Variants in HLCS observed in about 807,000 individuals in gnomAD.
HLCS encodes biotin--protein ligase.
A neutral mutation model predicts 75.0 loss-of-function variants in HLCS; 53 were observed. That is an observed-to-expected ratio of 0.71 (90% CI 0.57 to 0.89). The LOEUF is 0.89. Among genes scored for constraint, HLCS ranks in the 40% least tolerant of loss-of-function variants. HLCS has a pLI of 0.00. For synonymous variants in HLCS, 431 were observed against 428.6 expected (o/e 1.01, Z -0.07); for missense variants, 966 against 1,074.0 (o/e 0.90, Z 1.41).
chr21:36,913,709 C>T (rs908721048), intron 5 of HLCS, among the ~76,000 whole-genome samples: 6 of 151,890 alleles, frequency 4.0e-5, no homozygotes, highest in Non-Finnish European at 7.4e-5. Flanking sequence ...TGCAGTGAGC[C>T]GAGATGGTGG....
At chr21:36,789,135 G>A (rs987547618) in intron 6 of HLCS, among the ~76,000 whole-genome samples, 1 of 152,100 alleles carries the variant, frequency 6.6e-6, no homozygotes, top group Non-Finnish European at 1.5e-5. Context: ...GCTCACTGCA[G>A]GCTTGACCTC....
chr21:36,891,023 T>G (rs1319523147), intron 6 of HLCS, among the ~76,000 whole-genome samples: 1 of 152,206 alleles, frequency 6.6e-6, no homozygotes, highest in Non-Finnish European at 1.5e-5. Context: ...GAAGCCTGGT[T>G]TCCAGTTAGA....
chr21:36,887,067 T>G lies in HLCS; in HGVS notation c.1892+9793A>C, dbSNP rs1202419474. 1.3e-5 allele frequency among the ~76,000 whole-genome samples: 2 copies of G among 151,098 alleles called. 1 individual carries two copies. The highest frequency in any genetic ancestry group is 4.2e-4 in the South Asian group (2 of 4,764). ...ATTGCTTGATCCCCGGAGACAGAGG[T>G]TGCAGTGAGCCAAGATCCTGCCACT... is the stretch of plus-strand genomic sequence containing the variant. On this transcript the variant is annotated intron_variant, in intron 6 of 10. Transcript: ENST00000674895.
intron 6 of HLCS, among the ~76,000 whole-genome samples, chr21:36,839,047 G>A (rs2062523834): frequency 6.6e-6 from 1 of 152,166 alleles, no homozygotes; most frequent in African/African-American, 2.4e-5. Context: ...TTTTGGAGCA[G>A]CAAAGGAGCA....
At chr21:36,784,444 T>C (rs748660536) in intron 6 of HLCS, among the ~76,000 whole-genome samples, 3 of 151,880 alleles carry the variant, frequency 2.0e-5, no homozygotes, top group Non-Finnish European at 4.4e-5. Flanking sequence ...GCCACCTAAG[T>C]AGCTGGGACT....
chr21:36,978,013 T>G (rs2068990455), intron 1 of HLCS, among the ~76,000 whole-genome samples: 1 of 152,168 alleles, frequency 6.6e-6, no homozygotes, highest in Non-Finnish European at 1.5e-5. Flanking sequence ...TAAATCGAGT[T>G]GCCTTTTTCA....
chr21:36,954,702 CTA>C (rs2067842862), intron 2 of HLCS, among the ~76,000 whole-genome samples: 1 of 152,008 alleles, frequency 6.6e-6, no homozygotes, highest in Non-Finnish European at 1.5e-5. Flanking sequence ...TATGTGTTTT[CTA>C]TGTTTTCTAT....
At chr21:36,914,195 C>T (rs1385192822) in intron 5 of HLCS, among the ~76,000 whole-genome samples, 1 of 152,246 alleles carries the variant, frequency 6.6e-6, no homozygotes, top group Non-Finnish European at 1.5e-5. Context: ...GGGGCCAGCA[C>T]ATCTGGCTGG....
At chr21:36,801,480 GA>G (rs2061199174) in intron 6 of HLCS, among the ~76,000 whole-genome samples, 1 of 152,208 alleles carries the variant, frequency 6.6e-6, no homozygotes, top group Non-Finnish European at 1.5e-5. Context: ...AAAATAATTT[GA>G]AAGAAAGAAC....
chr21:36,981,252 C>T (rs1227840688), intron 1 of HLCS, among the ~76,000 whole-genome samples: 2 of 152,174 alleles, frequency 1.3e-5, no homozygotes, highest in Non-Finnish European at 2.9e-5. Context: ...CCAAATTTGG[C>T]ACTCCTGATG....
chr21:36,975,421 T>G (rs1195774843), intron 1 of HLCS, among the ~76,000 whole-genome samples: 3 of 152,088 alleles, frequency 2.0e-5, no homozygotes, highest in African/African-American at 7.2e-5. Flanking sequence ...GCCCGTCCCC[T>G]GTTTCCCACG....
At chr21:36,764,794 G>T (rs2089975501) in intron 8 of HLCS, among the ~76,000 whole-genome samples, 1 of 152,242 alleles carries the variant, frequency 6.6e-6, no homozygotes, top group Admixed American at 6.5e-5. Flanking sequence ...AAACTGGGTA[G>T]AAAGGGAGTT....
At chr21:36,821,947 G>T (rs1005184794) in intron 6 of HLCS, among the ~76,000 whole-genome samples, 2 of 152,134 alleles carry the variant, frequency 1.3e-5, no homozygotes, top group African/African-American at 2.4e-5. Context: ...GAAACTGACA[G>T]CTGACAGGAG....
At chr21:36,880,642 T>C (rs2064169283) in intron 6 of HLCS, among the ~76,000 whole-genome samples, 1 of 152,176 alleles carries the variant, frequency 6.6e-6, no homozygotes, top group African/African-American at 2.4e-5. Flanking sequence ...TTGCCACGAC[T>C]TGCAGAATCC....
chr21:36,760,331 C>T (rs115105057), intron 8 of HLCS, among the ~76,000 whole-genome samples: 1 of 152,136 alleles, frequency 6.6e-6, no homozygotes, highest in Non-Finnish European at 1.5e-5. Flanking sequence ...CAGGCAGTGG[C>T]CAGGCGCGCT....
intron 6 of HLCS, among the ~76,000 whole-genome samples, chr21:36,881,556 G>C (rs75400134): frequency 1.2e-4 from 19 of 152,352 alleles, no homozygotes; most frequent in African/African-American, 3.6e-4. Flanking sequence ...CATATTCCGT[G>C]TTGATGGGAC....
At position 36,962,151 on chromosome 21, in the gene HLCS, T is replaced by A. The variant is rs191115811; in HGVS notation, c.215A>T (p.Lys72Met). The change falls in exon 2 of 11, where the codon AAG becomes ATG. Residue 72 changes from lysine (K) to methionine (M), a missense_variant. By Grantham distance (95) the Lys-to-Met change is moderately conservative (BLOSUM62 -1). Coordinates refer to ENST00000674895, the MANE Select transcript of HLCS (RefSeq NM_001352514.2). Reference protein sequence around the residue: ...SDSQSIEDLNKWALFLVSPFI... With the variant: ...SDSQSIEDLNMWALFLVSPFI... ...AGGAGACACAAGAAATAGGGCCCAC[T>A]TGTTCAAGTCTTCAATGGACTGTAT... The A allele has an allele frequency of 6.9e-4, 889 of 1,288,826 alleles. 1 individual carries two copies. Among genetic ancestry groups the A allele is most frequent in the Middle Eastern group, 8.5e-4 (4 of 4,692 alleles). The allele number at this position is 1,288,826 out of a possible 1,614,324, so 79.8% of individuals were successfully genotyped here.
intron 2 of HLCS, chr21:36,947,440 G>A (rs2067458096): frequency 2.1e-5 from 21 of 985,400 alleles, no homozygotes; most frequent in Non-Finnish European, 2.4e-5. Flanking sequence ...CGCTGTCACT[G>A]ATACGTCGTC....
intron 6 of HLCS, among the ~76,000 whole-genome samples, chr21:36,816,062 A>G (rs1210244667): frequency 6.6e-6 from 1 of 152,106 alleles, no homozygotes; most frequent in Non-Finnish European, 1.5e-5. Flanking sequence ...AGGGGACTCT[A>G]AAGTACAATG....
Sources: gnomAD v4.1 joint callset for allele counts (sites outside exome capture counted in the v4.1 genomes callset) on GRCh38, gnomAD v4.1.1 for gene constraint, MANE v1.5 for transcripts, NCBI Gene and HGNC (gene_info 2026-07-23, HGNC 2026-07-21) for gene names.